Variants in LRRC7 observed in about 807,000 individuals in gnomAD.
LRRC7 encodes leucine rich repeat containing 7, also known as leucine-rich repeat-containing protein 7.
LRRC7 carries 23 observed loss-of-function variants against 175.7 expected under a neutral mutation model. The observed-to-expected ratio is 0.13, with a 90% CI of 0.09 to 0.19. The LOEUF is 0.19. LRRC7 is among the 10% of genes least tolerant of loss of function. The pLI is 1.00. For missense variants in LRRC7, 1,354 were observed against 1,904.7 expected, an observed-to-expected ratio of 0.71 and a Z score of 5.38; for synonymous variants, 685 against 680.9, an observed-to-expected ratio of 1.01 and a Z score of -0.09.
chr1:69,902,887 T>C (rs955714661), intron 7 of LRRC7, among the ~76,000 whole-genome samples: 2 of 152,238 alleles, frequency 1.3e-5, no homozygotes, highest in Non-Finnish European at 2.9e-5. Context: ...AGACTTCGTG[T>C]CTTTTACAGT....
intron 3 of LRRC7, among the ~76,000 whole-genome samples, chr1:69,774,757 A>T (rs1446682668): frequency 6.6e-6 from 1 of 152,178 alleles, no homozygotes; most frequent in African/African-American, 2.4e-5. Context: ...GAAGATTTGG[A>T]TGTAAGTATG....
chr1:69,724,112 G>A (rs567725359), intron 2 of LRRC7, among the ~76,000 whole-genome samples: 1 of 152,194 alleles, frequency 6.6e-6, no homozygotes, highest in South Asian at 2.1e-4. Flanking sequence ...GTTTAAAATT[G>A]AGCACATTCC....
At chr1:69,815,948 C>CTTTATTTATTTA (rs61408208) in intron 4 of LRRC7, among the ~76,000 whole-genome samples, 7 of 147,422 alleles carry the variant, frequency 4.7e-5, no homozygotes, top group African/African-American at 1.3e-4. Flanking sequence ...TCTCTAGAAC[C>CTTTATTTATTTA]TTTATTTATT....
intron 3 of LRRC7, among the ~76,000 whole-genome samples, chr1:69,771,675 G>A (rs1270969539): frequency 6.6e-6 from 1 of 152,100 alleles, no homozygotes; most frequent in African/African-American, 2.4e-5. Flanking sequence ...TACCAATTAT[G>A]TGCAAGCATT....
chr1:69,973,414 G>C (rs921180061), intron 8 of LRRC7, among the ~76,000 whole-genome samples: 3 of 151,578 alleles, frequency 2.0e-5, no homozygotes, highest in African/African-American at 7.3e-5. Flanking sequence ...CAAACTACCT[G>C]TTCCCCAATA....
Position 69,636,895 on chromosome 1 carries a change from A to G in LRRC7, c.3-41486A>G, listed in dbSNP as rs567127921. On this transcript the variant is annotated intron_variant, in intron 1 of 26. Transcript: ENST00000651989. ...GATCATAAAAGATATAAATATTTAT[A>G]TCTGACTGGATTTAATTTGCTAATA... 2.6e-5 allele frequency among the ~76,000 whole-genome samples: 4 copies of G among 152,138 alleles called. 1 individual carries two copies. The highest frequency in any genetic ancestry group is 4.1e-4 in the South Asian group (2 of 4,832).
intron 8 of LRRC7, among the ~76,000 whole-genome samples, chr1:69,933,475 C>G (rs1426194893): frequency 6.6e-6 from 1 of 151,958 alleles, no homozygotes; most frequent in African/African-American, 2.4e-5. Context: ...TAAGATCTGC[C>G]CACACATTTA....
chr1:69,938,077 A>G (rs1174900007), intron 8 of LRRC7, among the ~76,000 whole-genome samples: 1 of 152,004 alleles, frequency 6.6e-6, no homozygotes, highest in Admixed American at 6.6e-5. Flanking sequence ...TGATAGCAGC[A>G]AAAATATTTA....
chr1:69,923,237 T>C (rs1646950033), intron 7 of LRRC7, among the ~76,000 whole-genome samples: 1 of 152,318 alleles, frequency 6.6e-6, no homozygotes, highest in South Asian at 2.1e-4. Flanking sequence ...TTTGGGTTGG[T>C]TCCAAGTCTT....
chr1:69,859,727 A>T (rs754153703), intron 7 of LRRC7, among the ~76,000 whole-genome samples: 12 of 152,032 alleles, frequency 7.9e-5, no homozygotes, highest in Non-Finnish European at 1.5e-4. Flanking sequence ...GTTAAGAGCT[A>T]ACAAAGTTGA....
rs374435662 is a variant in LRRC7, at chr1:70,044,072, A to C, written c.4088A>C (p.His1363Pro). 2 of 1,613,244 alleles carry C rather than the reference A, an allele frequency of 1.2e-6. No individual in the cohort carries two copies. Among genetic ancestry groups the C allele is most frequent in the Non-Finnish European group, 1.7e-6 (2 of 1,179,518 alleles). ...TTGCAGACTAAGTCTAAATTTGATC[A>C]TCAAGAACTACCTCTTCAGAAAGTA... ...LNLQTKSKFDHQELPLQKTPS... is the reference protein window; with the variant it reads ...LNLQTKSKFDPQELPLQKTPS... Residue 1363 changes from histidine to proline, a missense_variant, in exon 22 of 27, where the codon CAT (histidine) becomes CCT (proline). Physicochemically the swap from His to Pro is moderately conservative, Grantham distance 77. Coordinates refer to ENST00000651989, the MANE Select transcript of LRRC7 (RefSeq NM_001370785.2).
At position 69,753,477 on chromosome 1, in the gene LRRC7, G is replaced by C. The variant is rs138942604; in HGVS notation, c.101-6714G>C. On this transcript the variant is annotated intron_variant, in intron 2 of 26. Transcript: ENST00000651989. ...CAAGCCTAGGTCTACTAATTATTTT[G>C]TGTATGACCCTATGCACATCATAGA... 2.6e-3 allele frequency among the ~76,000 whole-genome samples: 398 copies of C among 152,020 alleles called. 3 individuals carry two copies. The highest frequency in any genetic ancestry group is 8.8e-3 in the African/African-American group (364 of 41,482).
At chr1:69,795,375 G>GAA (rs201651394) in intron 4 of LRRC7, among the ~76,000 whole-genome samples, 71 of 135,266 alleles carry the variant, frequency 5.2e-4, no homozygotes, top group East Asian at 1.1e-3. Context: ...ACACCGTCTC[G>GAA]AAAAAAAAAA....
chr1:69,990,661 T>C (rs188673568), intron 10 of LRRC7, among the ~76,000 whole-genome samples: 101 of 152,102 alleles, frequency 6.6e-4, no homozygotes, highest in African/African-American at 2.4e-3. Context: ...ATCTACTTAA[T>C]AGAAATGAAG....
chr1:69,923,640 G>C (rs1646962774), intron 7 of LRRC7, among the ~76,000 whole-genome samples: 3 of 152,152 alleles, frequency 2.0e-5, no homozygotes, highest in Admixed American at 2.0e-4. Flanking sequence ...CCCACTTTTT[G>C]ATGGTGTTAT....
intron 1 of LRRC7, among the ~76,000 whole-genome samples, chr1:69,593,341 G>A (rs1259476933): frequency 6.6e-6 from 1 of 151,994 alleles, no homozygotes; most frequent in East Asian, 1.9e-4. Flanking sequence ...AACAATATTT[G>A]GACATGTAAC....
chr1:69,658,085 C>T (rs1369241472), intron 1 of LRRC7, among the ~76,000 whole-genome samples: 2 of 151,606 alleles, frequency 1.3e-5, no homozygotes, highest in Non-Finnish European at 2.9e-5. Context: ...TAATATTATT[C>T]TGATGTAATA....
chr1:69,873,359 T>G (rs1200629757), intron 7 of LRRC7: 4 of 491,148 alleles, frequency 8.1e-6, no homozygotes, highest in Non-Finnish European at 1.7e-5. Flanking sequence ...TTAAAACAAG[T>G]AAACTTTCTA....
chr1:69,744,992 G>A (rs933491364), intron 2 of LRRC7, among the ~76,000 whole-genome samples: 1 of 151,738 alleles, frequency 6.6e-6, no homozygotes, highest in Non-Finnish European at 1.5e-5. Context: ...AAAAACCATG[G>A]CCAGTAGTAA....
Sources: gnomAD v4.1 joint callset for allele counts (sites outside exome capture counted in the v4.1 genomes callset) on GRCh38, gnomAD v4.1.1 for gene constraint, MANE v1.5 for transcripts, NCBI Gene and HGNC (gene_info 2026-07-23, HGNC 2026-07-21) for gene names.